Variants in MYO3A observed in about 807,000 individuals in gnomAD.
MYO3A encodes myosin IIIA, also known as myosin-IIIa.
A neutral mutation model predicts 192.7 loss-of-function variants in MYO3A; 180 were observed. The observed-to-expected ratio is 0.93, with a 90% CI of 0.83 to 1.06. The LOEUF is 1.06. Among genes scored for constraint, MYO3A ranks in the 50% least tolerant of loss-of-function variants. The pLI is 0.00. For synonymous variants in MYO3A, 628 were observed against 645.3 expected, an observed-to-expected ratio of 0.97 and a Z score of 0.41; for missense variants, 1,896 against 1,905.0, an observed-to-expected ratio of 1.00 and a Z score of 0.09.
intron 17 of MYO3A, among the ~76,000 whole-genome samples, chr10:26,102,947 A>C (rs1344310341): frequency 1.3e-5 from 2 of 152,212 alleles, no homozygotes; most frequent in African/African-American, 4.8e-5. Flanking sequence ...GGGACGTTTA[A>C]GTCTGTAGAA....
At chr10:26,196,569 C>T (rs114378963) in intron 32 of MYO3A, among the ~76,000 whole-genome samples, 1,668 of 152,194 alleles carry the variant, frequency 0.011, 42 homozygotes, top group African/African-American at 0.038. Context: ...AGATATACCA[C>T]GTGTTCATAT....
At position 26,176,759 on chromosome 10, in the gene MYO3A, T is replaced by C; in HGVS notation, c.4352T>C (p.Leu1451Ser). 1 of 1,612,584 alleles carries C rather than the reference T, an allele frequency of 6.2e-7. No homozygotes were observed. The highest frequency in any genetic ancestry group is 8.5e-7 in the Non-Finnish European group (1 of 1,178,536). ...CAGAAAAAATTGAATGAAATGATTT[T>C]GTCACAGCAACTGAAGTCACTTTAT... ...ILQKKLNEMI[L>S]SQQLKSLYLG... The change falls in exon 31 of 35, where the codon TTG (leucine) becomes TCG (serine). Residue 1451 changes from leucine to serine, a missense_variant. Physicochemically the swap from Leu to Ser is moderately radical, Grantham distance 145. Transcript: ENST00000642920.
At chr10:26,055,997 G>T (rs11014928) in intron 10 of MYO3A, among the ~76,000 whole-genome samples, 71,977 of 151,994 alleles carry the variant, frequency 0.47, 17,866 homozygotes, top group Middle Eastern at 0.59. Context: ...AACAGAGCAA[G>T]CATCAGAACC....
intron 17 of MYO3A, among the ~76,000 whole-genome samples, chr10:26,097,614 C>T (rs1462182021): frequency 6.6e-6 from 1 of 151,814 alleles, no homozygotes; most frequent in Non-Finnish European, 1.5e-5. Context: ...TCAGTTTCCA[C>T]ATATGAGTGA....
At chr10:26,107,602 G>GT (rs1165040173) in intron 17 of MYO3A, among the ~76,000 whole-genome samples, 1 of 148,716 alleles carries the variant, frequency 6.7e-6, no homozygotes, top group African/African-American at 2.5e-5. Flanking sequence ...TTTTGAATTT[G>GT]TTTTTCTCTT....
intron 20 of MYO3A, among the ~76,000 whole-genome samples, chr10:26,132,361 GCA>G (rs1839588589): frequency 6.6e-6 from 1 of 152,108 alleles, no homozygotes; most frequent in Non-Finnish European, 1.5e-5. Flanking sequence ...TCTTAATTTT[GCA>G]CTGTGGTATC....
intron 4 of MYO3A, among the ~76,000 whole-genome samples, chr10:25,994,358 T>G (rs1447909708): frequency 2.6e-5 from 4 of 152,230 alleles, no homozygotes; most frequent in Non-Finnish European, 4.4e-5. Context: ...TTGTTTTCCA[T>G]TTGCTTGGTA....
chr10:26,100,370 G>T (rs1420857596), intron 17 of MYO3A, among the ~76,000 whole-genome samples: 3 of 152,064 alleles, frequency 2.0e-5, no homozygotes, highest in African/African-American at 7.2e-5. Context: ...TGGATTCATT[G>T]ATTTTTTGAA....
intron 4 of MYO3A, among the ~76,000 whole-genome samples, chr10:25,983,726 C>A (rs1324833358): frequency 6.6e-6 from 1 of 152,178 alleles, no homozygotes; most frequent in Non-Finnish European, 1.5e-5. Flanking sequence ...TGCTAGAGAT[C>A]TAGCAAATAC....
intron 6 of MYO3A, among the ~76,000 whole-genome samples, chr10:26,010,360 A>C (rs1022729144): frequency 2.0e-5 from 3 of 151,880 alleles, no homozygotes; most frequent in Admixed American, 1.3e-4. Flanking sequence ...GAACCTCAAA[A>C]GATTTTTTAA....
Position 26,068,795 on chromosome 10 carries a change from T to C in MYO3A, c.1081T>C (p.Cys361Arg), listed in dbSNP as rs1315635950. Residue 361 changes from cysteine to arginine, a missense_variant, in exon 12 of 35, where the codon TGT becomes CGT. By Grantham distance (180) the Cys-to-Arg change is radical. Coordinates refer to ENST00000642920, the MANE Select transcript of MYO3A (RefSeq NM_017433.5). Reference protein sequence around the residue: ...ENTVSEQLEKCYSRDQIYVYV... With the variant: ...ENTVSEQLEKRYSRDQIYVYV... ...TACAGTCTCAGAGCAACTTGAGAAGTGTTATTCCAGAGATCAGATCTACGT... is the reference window on the plus strand; with the variant it reads ...TACAGTCTCAGAGCAACTTGAGAAGCGTTATTCCAGAGATCAGATCTACGT... The C allele has an allele frequency of 1.9e-6, 3 of 1,592,054 alleles. No individual in the cohort carries two copies. Among genetic ancestry groups the C allele is most frequent in the African/African-American group, 2.7e-5 (2 of 74,536 alleles).
At chr10:26,071,337 A>C (rs1398636853) in intron 14 of MYO3A, among the ~76,000 whole-genome samples, 1 of 134,176 alleles carries the variant, frequency 7.5e-6, no homozygotes, top group Non-Finnish European at 1.8e-5. Context: ...AGGCCCATAC[A>C]AAAAAAAGAA....
intron 15 of MYO3A, among the ~76,000 whole-genome samples, chr10:26,091,266 G>A (rs142654912): frequency 4.6e-5 from 7 of 152,026 alleles, no homozygotes; most frequent in East Asian, 3.9e-4. Flanking sequence ...TGCCTCTGGC[G>A]ATGTCATCCC....
At chr10:26,072,048 C>CAGAAGGTGAAGGGCAAGCAAGG (rs1835239086) in intron 14 of MYO3A, among the ~76,000 whole-genome samples, 1 of 43,396 alleles carries the variant, frequency 2.3e-5, no homozygotes, top group Non-Finnish European at 7.4e-5. Flanking sequence ...GGACCCTCTT[C>CAGAAGGTGAAGGGCAAGCAAGG]ACATGGCAGC....
chr10:26,107,481 CAAAA>C (rs1271959522), intron 17 of MYO3A, among the ~76,000 whole-genome samples: 2 of 74,410 alleles, frequency 2.7e-5, no homozygotes, highest in African/African-American at 4.9e-5. Context: ...AACACCATCT[CAAAA>C]AAAAAAAAAA....
intron 26 of MYO3A, among the ~76,000 whole-genome samples, chr10:26,161,076 T>C (rs967528070): frequency 2.0e-5 from 3 of 152,204 alleles, no homozygotes; most frequent in Admixed American, 6.5e-5. Context: ...ACTAAGTGTA[T>C]AGAGAACACA....
intron 29 of MYO3A, among the ~76,000 whole-genome samples, chr10:26,172,685 A>G (rs1842108172): frequency 6.6e-6 from 1 of 152,200 alleles, no homozygotes; most frequent in Non-Finnish European, 1.5e-5. Context: ...CGATTCATCA[A>G]AATCATGGGC....
rs1319606127 is a variant in MYO3A, at chr10:26,128,521, GT to G, written c.2246del (p.Val749GlyfsTer10). 2.5e-6 allele frequency: 4 copies of G among 1,611,404 alleles called. No homozygotes were observed. The highest frequency in any genetic ancestry group is 3.4e-6 in the Non-Finnish European group (4 of 1,178,590). ...AATTCAGTATTATTATAATCAACAT[GT>G]GTTTGCATGGGAACAGGTAAGTCTA... Reference protein sequence around the residue: ...EQIQYYYNQHVFAWEQNEYLN... With the variant: ...EQIQYYYNQHXFAWEQNEYLN... On this transcript the variant is annotated frameshift_variant, in exon 20 of 35. Transcript: ENST00000642920. LOFTEE classifies it high-confidence loss of function.
chr10:25,985,159 A>G (rs1310014327), intron 4 of MYO3A, among the ~76,000 whole-genome samples: 1 of 150,602 alleles, frequency 6.6e-6, no homozygotes, highest in Non-Finnish European at 1.5e-5. Flanking sequence ...AATTACTTGA[A>G]CCGCGGAGGC....
Sources: gnomAD v4.1 joint callset for allele counts (sites outside exome capture counted in the v4.1 genomes callset) on GRCh38, gnomAD v4.1.1 for gene constraint, MANE v1.5 for transcripts, NCBI Gene and HGNC (gene_info 2026-07-23, HGNC 2026-07-21) for gene names.